CARS2: variants seen among roughly 807,000 people sequenced by gnomAD.
CARS2 encodes cysteinyl-tRNA synthetase 2, mitochondrial, also known as probable cysteine--tRNA ligase, mitochondrial.
Under a neutral mutation model 68.8 loss-of-function variants are expected in CARS2, and 52 were observed. The ratio of observed to expected loss-of-function variants is 0.76; its 90% confidence interval spans 0.61 to 0.95. The LOEUF is 0.95. Among genes scored for constraint, CARS2 ranks in the 40% least tolerant of loss-of-function variants. CARS2 has a pLI of 0.00. For synonymous variants in CARS2, 314 were observed against 303.6 expected (o/e 1.03, Z -0.36); for missense variants, 780 against 754.2 (o/e 1.03, Z -0.40).
At chr13:110,690,608 T>C (rs1366491430) in intron 3 of CARS2, among the ~76,000 whole-genome samples, 2 of 152,350 alleles carry the variant, frequency 1.3e-5, no homozygotes, top group African/African-American at 2.4e-5. Flanking sequence ...CCTGTCCCGA[T>C]GCACATCCCA....
At chr13:110,700,374 G>A (rs61971614) in intron 3 of CARS2, among the ~76,000 whole-genome samples, 11 of 152,204 alleles carry the variant, frequency 7.2e-5, no homozygotes, top group African/African-American at 2.2e-4. Flanking sequence ...ATCAATGTCC[G>A]GTTCCTGACT....
Position 110,641,585 on chromosome 13 carries a change from C to A in CARS2, c.1647G>T (p.Thr549=), listed in dbSNP as rs201728933. 1 of 1,614,044 alleles carries A rather than the reference C, an allele frequency of 6.2e-7. No individual in the cohort carries two copies. The highest frequency in any genetic ancestry group is 1.7e-5 in the Admixed American group (1 of 60,018). Residue 549 remains threonine (T), a synonymous_variant, in exon 15 of 15, where the codon ACG becomes ACT. Coordinates refer to ENST00000257347, the MANE Select transcript of CARS2 (RefSeq NM_024537.4). Reference sequence around the variant, plus strand: ...TTGTCCTTTGATCCAGCAGTTCCCACGTGGATGTTGTACTGCTTCTGTCCT... The same window carrying A: ...TTGTCCTTTGATCCAGCAGTTCCCAAGTGGATGTTGTACTGCTTCTGTCCT... ...NIKDRSSTTS[T]WELLDQRTKD... is the part of the protein sequence containing the mutation.
chr13:110,690,897 A>G (rs1227077942), intron 3 of CARS2, among the ~76,000 whole-genome samples: 4 of 152,224 alleles, frequency 2.6e-5, no homozygotes, highest in African/African-American at 9.6e-5. Flanking sequence ...ACCTCTTTTG[A>G]GTAAATCTGA....
intron 9 of CARS2, among the ~76,000 whole-genome samples, chr13:110,659,708 C>A (rs1288204887): frequency 6.6e-6 from 1 of 152,140 alleles, no homozygotes; most frequent in Non-Finnish European, 1.5e-5. Flanking sequence ...GAACAATGTA[C>A]GTACCTTAAT....
intron 8 of CARS2, chr13:110,666,667 T>A: frequency 7.1e-6 from 7 of 985,462 alleles, no homozygotes; most frequent in Non-Finnish European, 8.4e-6. Context: ...TTCAAGGACT[T>A]CAAAAGATAG....
chr13:110,644,029 T>C, intron 13 of CARS2: 1 of 1,134,222 alleles, frequency 8.8e-7, no homozygotes, highest in Non-Finnish European at 1.2e-6. Flanking sequence ...GTCGCCAACT[T>C]GCCCTCAAAT....
Position 110,670,173 on chromosome 13 carries a change from A to G in CARS2, c.786-2700T>C, listed in dbSNP as rs2139777376. Among the ~76,000 whole-genome samples, 1 of 152,324 alleles carries G rather than the reference A, an allele frequency of 6.6e-6. No individual in the cohort carries two copies. The highest frequency in any genetic ancestry group is 2.4e-5 in the African/African-American group (1 of 41,572). ...CAAAAGGCAGCAGAAACTTCTGCAG[A>G]CTTAAACGTTCCTGACTGACAGCTT... On this transcript the variant is annotated intron_variant, in intron 7 of 14. Transcript: ENST00000257347. The surrounding 1 kb of genome is among the most constrained non-coding windows in gnomAD (Gnocchi z 4.1).
intron 2 of CARS2, among the ~76,000 whole-genome samples, chr13:110,702,023 T>C (rs2063801115): frequency 6.6e-6 from 1 of 152,212 alleles, no homozygotes; most frequent in South Asian, 2.1e-4. Flanking sequence ...CACACTAGTG[T>C]AGAATATTTA....
chr13:110,664,418 G>A (rs755109624), intron 8 of CARS2: 2 of 259,022 alleles, frequency 7.7e-6, no homozygotes, highest in Non-Finnish European at 1.2e-5. Flanking sequence ...TCAGGAGACT[G>A]AGGTGGGAGG....
At chr13:110,679,863 C>A (rs1371054514) in intron 6 of CARS2, among the ~76,000 whole-genome samples, 1 of 152,050 alleles carries the variant, frequency 6.6e-6, no homozygotes, top group African/African-American at 2.4e-5. Context: ...AGAGGGGGCA[C>A]GCCGAGGCTC....
exon 1 of CARS2, chr13:110,713,465 TC>T: frequency 1.0e-6 from 1 of 990,180 alleles, no homozygotes; most frequent in South Asian, 4.4e-5. Flanking sequence ...TCGCCCGCCG[TC>T]CACACCCCAG....
rs1566658903 is a variant in CARS2, at chr13:110,653,622, ATCTCATAGT to A, written c.988-2531_988-2523del. Among the ~76,000 whole-genome samples the A allele has an allele frequency of 6.6e-6, 1 of 152,228 alleles. No individual in the cohort carries two copies. Among genetic ancestry groups the A allele is most frequent in the Non-Finnish European group, 1.5e-5 (1 of 68,050 alleles). ...AATTAGCCTCAATGTGTTTTCACGC[ATCTCATAGT>A]TCTCTGAAACCCCAACAACATTAAA... On this transcript the variant is annotated intron_variant, in intron 9 of 14. Coordinates refer to ENST00000257347, the MANE Select transcript of CARS2 (RefSeq NM_024537.4). The surrounding 1 kb of genome is among the most constrained non-coding windows in gnomAD (Gnocchi z 5.6).
intron 1 of CARS2, among the ~76,000 whole-genome samples, chr13:110,711,639 T>C (rs1473370839): frequency 6.6e-6 from 1 of 152,234 alleles, no homozygotes; most frequent in Non-Finnish European, 1.5e-5. Flanking sequence ...TAACAGCCAT[T>C]TCCCCAAATA....
rs150341415 is a variant in CARS2, at chr13:110,701,455, T to C, written c.376A>G (p.Ile126Val). The C allele has an allele frequency of 1.1e-5, 16 of 1,495,878 alleles. No individual in the cohort carries two copies. The East Asian group carries it at 2.7e-4, about 25-fold the overall frequency. The allele number at this position is 1,495,878 out of a possible 1,614,324, so 92.7% of individuals were successfully genotyped here. ...MGITDVDDKI[I>V]KRANEMNISP... ...CCACTTACCTCATTGGCTCTTTTGA[T>C]GATTTTATCATCTACATCTGTAATA... The change falls in exon 3 of 15, where the codon ATC becomes GTC. Residue 126 changes from isoleucine (I) to valine (V), a missense_variant. Transcript: ENST00000257347.
At chr13:110,691,987 GA>G (rs36121848) in intron 3 of CARS2, among the ~76,000 whole-genome samples, 13,153 of 76,476 alleles carry the variant, frequency 0.17, 738 homozygotes, top group Admixed American at 0.26. Context: ...AAGCTGTGCA[GA>G]AAAAAAAAAA....
chr13:110,665,805 C>A lies in CARS2; in HGVS notation c.919+1535G>T. On this transcript the variant is annotated intron_variant, in intron 8 of 14. Coordinates refer to ENST00000257347, the MANE Select transcript of CARS2 (RefSeq NM_024537.4). The surrounding 1 kb of genome is among the most constrained non-coding windows in gnomAD (Gnocchi z 4.3). ...ACTTTCATGAAGAAACCCAAGTGAA[C>A]CCTGCTGCGGACCAGAAAACCGGAG... The A allele has an allele frequency of 1.0e-6, 1 of 985,388 alleles. No individual in the cohort carries two copies. Among genetic ancestry groups the A allele is most frequent in the South Asian group, 4.7e-5 (1 of 21,292 alleles). 61.0% of individuals were successfully genotyped at this position (985,388 alleles called of 1,614,324 possible). A position where few individuals can be genotyped will look rare whatever the true frequency, so the allele number is the denominator to read the frequency against.
rs1017483133 is a variant in CARS2 at position 110,653,174 on chromosome 13, C to T, written c.988-2074G>A. Among the ~76,000 whole-genome samples the T allele has an allele frequency of 4.8e-4, 53 of 111,038 alleles. No individual in the cohort carries two copies. The highest frequency in any genetic ancestry group is 6.8e-4 in the Non-Finnish European group (39 of 57,484). The allele number at this position is 111,038 out of a possible 152,430, so 72.8% of individuals were successfully genotyped here. ...GACTTCACCAGGCTGCCACAGGGGC[C>T]TGGGGTGGGGAGGGGGGCTGGGGTA... On this transcript the variant is annotated intron_variant, in intron 9 of 14. Transcript: ENST00000257347. The surrounding 1 kb of genome is among the most constrained non-coding windows in gnomAD (Gnocchi z 5.6).
intron 1 of CARS2, chr13:110,712,965 G>A (rs1270416204): frequency 1.3e-6 from 2 of 1,560,188 alleles, no homozygotes; most frequent in Admixed American, 1.9e-5. Flanking sequence ...GTGGTGGTCC[G>A]GCCGCGGAAT....
chr13:110,700,441 G>A (rs971670182), intron 3 of CARS2, among the ~76,000 whole-genome samples: 1 of 152,210 alleles, frequency 6.6e-6, no homozygotes, highest in East Asian at 1.9e-4. Flanking sequence ...CACGCGTGGC[G>A]TGTGCAGAGA....
Sources: gnomAD v4.1 joint callset for allele counts (sites outside exome capture counted in the v4.1 genomes callset) on GRCh38, gnomAD v4.1.1 for gene constraint, Gnocchi (gnomAD v3.1) non-coding constraint, MANE v1.5 for transcripts, NCBI Gene and HGNC (gene_info 2026-07-23, HGNC 2026-07-21) for gene names.